Variants in TUBA4B observed in about 807,000 individuals in gnomAD.
TUBA4B encodes tubulin alpha 4b, also known as tubulin-like protein alpha-4B.
Under a neutral mutation model 18.4 loss-of-function variants are expected in TUBA4B, and 13 were observed. That is an observed-to-expected ratio of 0.71 (90% CI 0.46 to 1.12). TUBA4B has a LOEUF of 1.12. Among genes scored for constraint, TUBA4B ranks in the 50% most tolerant of loss-of-function variants. The pLI, the probability that TUBA4B is intolerant of heterozygous loss-of-function variation, is 0.00. For synonymous variants in TUBA4B, 101 were observed against 99.1 expected, an observed-to-expected ratio of 1.02 and a Z score of -0.11; for missense variants, 244 against 250.0, an observed-to-expected ratio of 0.98 and a Z score of 0.16.
intron 2 of TUBA4B, 47 bp downstream of exon 2, chr2:219,266,613 C>A (rs2125076672): frequency 1.4e-6 from 1 of 701,460 alleles, no homozygotes. Flanking sequence ...AGTGAGGGTC[C>A]CAGTGGGCCC....
rs1366579046 is a variant in TUBA4B, at chr2:219,271,761, G to A, written c.*62G>A. On this transcript the variant is annotated 3_prime_UTR_variant, in exon 4 of 4. Transcript: ENST00000490341. ...GCCTGCTATACCATGGAGATGTGGT[G>A]CCCAAGGATGTCAACGCTGCCATTG... The A allele has an allele frequency of 1.6e-5, 25 of 1,611,162 alleles. No individual in the cohort carries two copies. Among genetic ancestry groups the A allele is most frequent in the Non-Finnish European group, 2.0e-5 (24 of 1,177,326 alleles).
rs151023048 is a variant in TUBA4B at position 219,271,730 on chromosome 2, C to T, written c.*31C>T. The T allele has an allele frequency of 6.7e-4, 1,088 of 1,611,866 alleles. 2 individuals are homozygous for T. The highest frequency in any genetic ancestry group is 8.9e-4 in the Non-Finnish European group (1,047 of 1,177,876). On this transcript the variant is annotated 3_prime_UTR_variant, in exon 4 of 4. Coordinates refer to ENST00000490341, the MANE Select transcript of TUBA4B (RefSeq NM_001355221.1). The stretch of plus-strand genomic sequence containing the variant: ...GATCCCCGGCACGGCAAGTACATGG[C>T]CTGCTGCCTGCTATACCATGGAGAT...
In TUBA4B at chr2:219,257,339, C is replaced by CA. The variant is rs1559279212; in HGVS notation, c.12+3920_12+3921insA. ...TACAGGTGTGAGCCACTGCGCCCAG[C>CA]CTTTTTTTTTTTTTTTTTTTTTGAG... is the stretch of plus-strand genomic sequence containing the variant. On this transcript the variant is annotated intron_variant, in intron 1 of 3. Coordinates refer to ENST00000490341, the MANE Select transcript of TUBA4B (RefSeq NM_001355221.1). Among the ~76,000 whole-genome samples, 227 of 109,792 alleles carry CA rather than the reference C, an allele frequency of 2.1e-3. 1 individual carries two copies. The highest frequency in any genetic ancestry group is 7.4e-3 in the African/African-American group (207 of 27,952). 72.0% of individuals were successfully genotyped at this position (109,792 alleles called of 152,430 possible).
chr2:219,263,617 C>T (rs1951772253), intron 1 of TUBA4B, among the ~76,000 whole-genome samples: 3 of 152,212 alleles, frequency 2.0e-5, no homozygotes, highest in Admixed American at 2.0e-4. Context: ...AGTGGGCCCT[C>T]TGGGCCCCAT....
At chr2:219,258,721 AG>A (rs1344575200) in intron 1 of TUBA4B, among the ~76,000 whole-genome samples, 1 of 152,146 alleles carries the variant, frequency 6.6e-6, no homozygotes, top group African/African-American at 2.4e-5. Context: ...AATTTGTTAC[AG>A]TAACAGTAGG....
At chr2:219,260,604 C>G (rs899218431) in intron 1 of TUBA4B, among the ~76,000 whole-genome samples, 20 of 152,200 alleles carry the variant, frequency 1.3e-4, no homozygotes, top group Admixed American at 9.8e-4. Context: ...ACCCTCACCC[C>G]ACTCCCTGCC....
chr2:219,262,204 G>C (rs1227188126), intron 1 of TUBA4B, among the ~76,000 whole-genome samples: 1 of 152,172 alleles, frequency 6.6e-6, no homozygotes, highest in Non-Finnish European at 1.5e-5. Context: ...CCAGCAACTC[G>C]GGAGGCTGAA....
intron 2 of TUBA4B, among the ~76,000 whole-genome samples, chr2:219,268,287 G>C (rs554742136): frequency 6.6e-6 from 1 of 151,912 alleles, no homozygotes; most frequent in Non-Finnish European, 1.5e-5. Context: ...TGGAGAGGGG[G>C]TTTCACCATG....
At chr2:219,270,112 C>T in intron 2 of TUBA4B, 90 bp from the exon 3 acceptor site, 1 of 660,392 alleles carries the variant, frequency 1.5e-6, no homozygotes, top group South Asian at 1.6e-5. Context: ...GGTGACCCCA[C>T]TCCCTTCAGG....
chr2:219,253,956 G>T (rs886528154), intron 1 of TUBA4B: 6 of 1,182,452 alleles, frequency 5.1e-6, no homozygotes, highest in African/African-American at 4.8e-5. Flanking sequence ...TAGGCGGGGG[G>T]GGGGCGGGGC....
chr2:219,264,209 C>G (rs1951775886), intron 1 of TUBA4B, among the ~76,000 whole-genome samples: 1 of 152,148 alleles, frequency 6.6e-6, no homozygotes, highest in African/African-American at 2.4e-5. Context: ...CCTGTAATCC[C>G]AGAACTTTGG....
At chr2:219,258,357 A>G (rs531818506) in intron 1 of TUBA4B, among the ~76,000 whole-genome samples, 2 of 150,016 alleles carry the variant, frequency 1.3e-5, no homozygotes, top group East Asian at 2.0e-4. Context: ...GTCTGGCTCT[A>G]TCACCCAGGC....
intron 1 of TUBA4B, among the ~76,000 whole-genome samples, chr2:219,263,984 G>C (rs546822814): frequency 6.6e-6 from 1 of 152,290 alleles, no homozygotes; most frequent in Admixed American, 6.5e-5. Flanking sequence ...CCTGGTTTTG[G>C]CTGCTATCTG....
Position 219,271,723 on chromosome 2 carries a change from T to G in TUBA4B, c.*24T>G. 1 of 1,612,432 alleles carries G rather than the reference T, an allele frequency of 6.2e-7. No individual in the cohort carries two copies. The highest frequency in any genetic ancestry group is 8.5e-7 in the Non-Finnish European group (1 of 1,178,436). On this transcript the variant is annotated 3_prime_UTR_variant, in exon 4 of 4. Coordinates refer to ENST00000490341, the MANE Select transcript of TUBA4B (RefSeq NM_001355221.1). ...GAAGTGTGATCCCCGGCACGGCAAG[T>G]ACATGGCCTGCTGCCTGCTATACCA...
chr2:219,254,019 C>T, intron 1 of TUBA4B: 1 of 684,778 alleles, frequency 1.5e-6, no homozygotes, highest in Non-Finnish European at 2.2e-6. Flanking sequence ...GCCACGCCTC[C>T]CGGGAGGGTA....
At position 219,270,191 on chromosome 2, in the gene TUBA4B, A is replaced by C; in HGVS notation, c.59-11A>C. ...CCAAAACTCTGCCCACTGCAGATGA[A>C]CTTTGAACAGGCACATACCGCCAGA... On this transcript the variant is annotated splice_polypyrimidine_tract_variant and intron_variant, in intron 2 of 3. Coordinates refer to ENST00000490341, the MANE Select transcript of TUBA4B (RefSeq NM_001355221.1). The C allele has an allele frequency of 1.4e-6, 1 of 735,632 alleles. No individual in the cohort carries two copies. The highest frequency in any genetic ancestry group is 2.5e-6 in the Non-Finnish European group (1 of 398,910). The allele number at this position is 735,632 out of a possible 1,614,324, so 45.6% of individuals were successfully genotyped here. A position where few individuals can be genotyped will look rare whatever the true frequency, so the allele number is the denominator to read the frequency against.
intron 1 of TUBA4B, among the ~76,000 whole-genome samples, chr2:219,255,360 T>C (rs894615156): frequency 1.3e-5 from 2 of 152,212 alleles, no homozygotes; most frequent in African/African-American, 4.8e-5. Context: ...TGCCTCAGCC[T>C]CTGGAGTAGC....
intron 1 of TUBA4B, among the ~76,000 whole-genome samples, chr2:219,264,111 T>C (rs754110266): frequency 8.5e-5 from 13 of 152,198 alleles, no homozygotes; most frequent in Non-Finnish European, 1.9e-4. Context: ...TTTTTTCCTA[T>C]ACATGCATAC....
chr2:219,253,938 C>A, intron 1 of TUBA4B: 1 of 1,140,834 alleles, frequency 8.8e-7, no homozygotes, highest in Non-Finnish European at 1.1e-6. Flanking sequence ...AGTGCCGCAC[C>A]GCCCTTATAG....
Sources: allele counts gnomAD v4.1 joint callset (sites outside exome capture counted in the v4.1 genomes callset), GRCh38; gene constraint gnomAD v4.1.1; transcripts MANE v1.5; gene names NCBI Gene and HGNC (gene_info 2026-07-23, HGNC 2026-07-21).